Variants in SCIMP observed in about 807,000 individuals in gnomAD.
The protein encoded by SCIMP is SLP adaptor and CSK interacting membrane protein, also known as SLP adapter and CSK-interacting membrane protein.
Under a neutral mutation model 22.0 loss-of-function variants are expected in SCIMP, and 18 were observed. That is an observed-to-expected ratio of 0.82 (90% CI 0.56 to 1.21). The LOEUF (loss-of-function observed/expected upper bound fraction) is 1.21. Among genes scored for constraint, SCIMP ranks in the 50% most tolerant of loss-of-function variants. SCIMP has a pLI of 0.00. For missense variants in SCIMP, 155 were observed against 171.2 expected (o/e 0.91, Z 0.53); for synonymous variants, 53 against 62.2 (o/e 0.85, Z 0.70).
chr17:5,231,132 G>C (rs1352822978), intron 1 of SCIMP, among the ~76,000 whole-genome samples: 1 of 152,186 alleles, frequency 6.6e-6, no homozygotes, highest in Non-Finnish European at 1.5e-5. Flanking sequence ...GGCCAAGGTA[G>C]GCAGATCACC....
chr17:5,226,238 A>C (rs2074647693), intron 1 of SCIMP, among the ~76,000 whole-genome samples: 1 of 152,186 alleles, frequency 6.6e-6, no homozygotes, highest in Non-Finnish European at 1.5e-5. Context: ...TGATTTTTGC[A>C]CTACGTACAT....
Position 5,210,703 on chromosome 17 carries a change from A to G in SCIMP, c.*98T>C. 2 of 1,473,376 alleles carry G rather than the reference A, an allele frequency of 1.4e-6. No homozygotes were observed. Among genetic ancestry groups the G allele is most frequent in the South Asian group, 2.8e-5 (2 of 71,740 alleles). The allele number at this position is 1,473,376 out of a possible 1,614,324, so 91.3% of individuals were successfully genotyped here. A position where few individuals can be genotyped will look rare whatever the true frequency, so the allele number is the denominator to read the frequency against. On this transcript the variant is annotated 3_prime_UTR_variant, in exon 5 of 5. Coordinates refer to ENST00000574081, the MANE Select transcript of SCIMP (RefSeq NM_207103.3). The stretch of plus-strand genomic sequence containing the variant: ...CTTCATAAAATCACCACTGGCTTTC[A>G]GGGCCCAGAGACCTACTGAAGTTCA...
At position 5,234,838 on chromosome 17, in the gene SCIMP, CT is replaced by C; in HGVS notation, c.-84del. ...TGAGAGGCATTCCTCACTCACAGGC[CT>C]TCACCCACTGCTAGAGACAGTGAGC... On this transcript the variant is annotated 5_prime_UTR_variant, in exon 1 of 5. Transcript: ENST00000574081. 4.5e-6 allele frequency: 7 copies of C among 1,560,984 alleles called. No individual in the cohort carries two copies. The highest frequency in any genetic ancestry group is 6.1e-6 in the Non-Finnish European group (7 of 1,152,616).
At chr17:5,212,590 C>T (rs990002264) in intron 4 of SCIMP, among the ~76,000 whole-genome samples, 9 of 151,966 alleles carry the variant, frequency 5.9e-5, no homozygotes, top group East Asian at 5.8e-4. Context: ...GCCGAGATTG[C>T]GCCACTGCAC....
intron 1 of SCIMP, among the ~76,000 whole-genome samples, chr17:5,233,073 T>C (rs1253936284): frequency 2.0e-5 from 3 of 152,126 alleles, no homozygotes; most frequent in Admixed American, 6.6e-5. Flanking sequence ...CACTGGCAAC[T>C]TAAAACCCAA....
intron 1 of SCIMP, among the ~76,000 whole-genome samples, chr17:5,228,605 A>T (rs2074670193): frequency 6.6e-6 from 1 of 152,120 alleles, no homozygotes; most frequent in Non-Finnish European, 1.5e-5. Flanking sequence ...TGAATGTGCC[A>T]CTGCACTCCA....
intron 1 of SCIMP, among the ~76,000 whole-genome samples, chr17:5,226,954 A>G (rs945416179): frequency 6.6e-6 from 1 of 152,016 alleles, no homozygotes; most frequent in Non-Finnish European, 1.5e-5. Flanking sequence ...TTCCAGAGAG[A>G]GGAAGCCCTG....
intron 3 of SCIMP, chr17:5,215,239 A>G (rs75292068): frequency 1.4e-4 from 65 of 467,192 alleles, no homozygotes; most frequent in African/African-American, 7.9e-4. Flanking sequence ...ATAAAGTGCT[A>G]TAATTCAGAG....
intron 1 of SCIMP, chr17:5,233,859 C>G (rs1189393808): frequency 6.6e-6 from 1 of 152,202 alleles, no homozygotes; most frequent in East Asian, 1.9e-4. Flanking sequence ...AGAACTCACG[C>G]CAGCCCAACA....
intron 1 of SCIMP, among the ~76,000 whole-genome samples, chr17:5,234,139 C>T (rs1010170833): frequency 1.3e-5 from 2 of 151,960 alleles, no homozygotes; most frequent in East Asian, 1.9e-4. Context: ...GGTGTGGTGG[C>T]GGGTGCCTGT....
chr17:5,210,710 A>G lies in SCIMP; in HGVS notation c.*91T>C, dbSNP rs2074520000. On this transcript the variant is annotated 3_prime_UTR_variant, in exon 5 of 5. Transcript: ENST00000574081. The stretch of plus-strand genomic sequence containing the variant: ...AAATCACCACTGGCTTTCAGGGCCC[A>G]GAGACCTACTGAAGTTCAACCATTC... 7.3e-6 allele frequency: 11 copies of G among 1,506,252 alleles called. No individual in the cohort carries two copies. The highest frequency in any genetic ancestry group is 1.4e-5 in the African/African-American group (1 of 71,666). 93.3% of individuals were successfully genotyped at this position (1,506,252 alleles called of 1,614,324 possible). A position where few individuals can be genotyped will look rare whatever the true frequency, so the allele number is the denominator to read the frequency against.
At chr17:5,221,400 A>AT (rs748147788) in intron 2 of SCIMP, 50 bp from the exon 3 acceptor site, 16 of 1,399,592 alleles carry the variant, frequency 1.1e-5, no homozygotes, top group East Asian at 4.6e-5. Context: ...AAAAGTTGTG[A>AT]TTTTTTAATT....
chr17:5,234,099 C>A (rs2074724363), intron 1 of SCIMP, among the ~76,000 whole-genome samples: 1 of 152,006 alleles, frequency 6.6e-6, no homozygotes, highest in Non-Finnish European at 1.5e-5. Flanking sequence ...GGTGAAACTC[C>A]GTCTCTACTA....
At chr17:5,217,678 C>T (rs1345581739) in intron 3 of SCIMP, among the ~76,000 whole-genome samples, 2 of 150,482 alleles carry the variant, frequency 1.3e-5, no homozygotes, top group African/African-American at 4.9e-5. Flanking sequence ...TTTTTTGTCC[C>T]TGCGATAGTT....
intron 4 of SCIMP, chr17:5,214,614 G>A (rs1386677362): frequency 7.5e-6 from 2 of 264,928 alleles, no homozygotes; most frequent in Non-Finnish European, 1.4e-5. Context: ...GCCGAGGCCG[G>A]TGGATCACGA....
intron 1 of SCIMP, among the ~76,000 whole-genome samples, chr17:5,231,246 G>C (rs921644804): frequency 1.3e-5 from 2 of 151,786 alleles, no homozygotes; most frequent in African/African-American, 4.8e-5. Flanking sequence ...TGTAATCCCA[G>C]CCACTCGGAA....
intron 4 of SCIMP, chr17:5,214,417 G>T (rs141968532): frequency 0.029 from 4,466 of 153,370 alleles, 214 homozygotes; most frequent in African/African-American, 0.1. Flanking sequence ...TTAGCCAGGC[G>T]TGGTGGTGGG....
chr17:5,232,745 C>G (rs1406267826), intron 1 of SCIMP, among the ~76,000 whole-genome samples: 2 of 151,172 alleles, frequency 1.3e-5, no homozygotes, highest in African/African-American at 4.9e-5. Context: ...GCGTCTTGCT[C>G]TGTCACCCAG....
chr17:5,231,375 AAAAG>A (rs529982921), intron 1 of SCIMP, among the ~76,000 whole-genome samples: 131 of 151,696 alleles, frequency 8.6e-4, no homozygotes, highest in African/African-American at 2.9e-3. Context: ...AAAAAAAAAG[AAAAG>A]AAAAAAAGTT....
Sources: allele counts gnomAD v4.1 joint callset (sites outside exome capture counted in the v4.1 genomes callset), GRCh38; gene constraint gnomAD v4.1.1; transcripts MANE v1.5; gene names NCBI Gene and HGNC (gene_info 2026-07-23, HGNC 2026-07-21).